PHF14: variants seen among roughly 807,000 people sequenced by gnomAD.
PHF14 encodes the protein PHD finger protein 14.
PHF14 carries 55 observed loss-of-function variants against 117.9 expected under a neutral mutation model. The observed-to-expected ratio is 0.47, with a 90% confidence interval of 0.38 to 0.58. The LOEUF (loss-of-function observed/expected upper bound fraction) is 0.58, where lower values mean the gene tolerates loss of function less well. Among genes scored for constraint, PHF14 ranks in the 20% least tolerant of loss-of-function variants. The pLI is 0.00. For synonymous variants in PHF14, 409 were observed against 368.6 expected (o/e 1.11, Z -1.26); for missense variants, 978 against 1,122.2 (o/e 0.87, Z 1.84).
chr7:11,004,899 C>G (rs1783025719), intron 4 of PHF14, among the ~76,000 whole-genome samples: 1 of 151,836 alleles, frequency 6.6e-6, no homozygotes, highest in Admixed American at 6.6e-5. Flanking sequence ...AGCCTGTAAT[C>G]CCAGCTGGTT....
At chr7:11,004,267 AAAG>A (rs1782995101) in intron 4 of PHF14, among the ~76,000 whole-genome samples, 2 of 149,210 alleles carry the variant, frequency 1.3e-5, no homozygotes, top group South Asian at 2.1e-4. Flanking sequence ...AAAAAAAAAA[AAAG>A]AAAAGAAAAA....
intron 16 of PHF14, among the ~76,000 whole-genome samples, chr7:11,078,832 G>C (rs972551949): frequency 8.5e-5 from 13 of 152,054 alleles, no homozygotes; most frequent in African/African-American, 3.1e-4. Context: ...AGTAGAAAAT[G>C]TTTTAATCTG....
intron 17 of PHF14, among the ~76,000 whole-genome samples, chr7:11,151,579 C>G (rs562170845): frequency 3.7e-4 from 56 of 152,066 alleles, no homozygotes; most frequent in Middle Eastern, 6.8e-3. Context: ...TTTATAACTT[C>G]ATTTTTGTTG....
chr7:11,139,718 A>T (rs1423455248), intron 17 of PHF14, among the ~76,000 whole-genome samples: 1 of 152,192 alleles, frequency 6.6e-6, no homozygotes, highest in Non-Finnish European at 1.5e-5. Context: ...GAAATATGTG[A>T]AAAATAAATT....
intron 17 of PHF14, among the ~76,000 whole-genome samples, chr7:11,153,036 C>T (rs942017963): frequency 1.3e-5 from 2 of 152,170 alleles, no homozygotes; most frequent in South Asian, 2.1e-4. Flanking sequence ...TTGGATTTTA[C>T]CCTAAATACA....
intron 5 of PHF14, chr7:11,015,336 T>A (rs1783497865): frequency 6.6e-6 from 1 of 152,174 alleles, no homozygotes; most frequent in African/African-American, 2.4e-5. Flanking sequence ...TCTTGGAGAA[T>A]CCCATGTGTT....
At chr7:11,060,444 A>G (rs1785183116) in intron 14 of PHF14, among the ~76,000 whole-genome samples, 1 of 152,218 alleles carries the variant, frequency 6.6e-6, no homozygotes, top group African/African-American at 2.4e-5. Flanking sequence ...ACTAGCCATA[A>G]GTTTTCAGTT....
At chr7:11,087,197 C>CTTT (rs34960792) in intron 16 of PHF14, among the ~76,000 whole-genome samples, 1 of 149,392 alleles carries the variant, frequency 6.7e-6, no homozygotes. Flanking sequence ...GCCCTTCTTT[C>CTTT]TTTTTTTTTG....
At chr7:11,120,771 G>A (rs1031372460) in intron 17 of PHF14, among the ~76,000 whole-genome samples, 2 of 151,970 alleles carry the variant, frequency 1.3e-5, no homozygotes, top group African/African-American at 4.8e-5. Flanking sequence ...TATTTTATAA[G>A]TAGAGAGAAT....
rs942454352 is a variant in PHF14 at position 11,038,825 on chromosome 7, A to G, written c.2046A>G (p.Ile682Met). The G allele has an allele frequency of 6.3e-7, 1 of 1,586,904 alleles. No individual in the cohort carries two copies. The highest frequency in any genetic ancestry group is 8.6e-7 in the Non-Finnish European group (1 of 1,162,992). ...AACTTCGAAGTGAAGGACAAGGAAT[A>G]TGGGCTTTACTAGGCAGAATCACAG... ...NGKLRSEGQG[I>M]WALLGRITGQ... The change falls in exon 11 of 18, where the codon ATA (isoleucine) becomes ATG (methionine). Residue 682 changes from isoleucine (I) to methionine (M), a missense_variant. Physicochemically the swap from Ile to Met is conservative, Grantham distance 10 (BLOSUM62 1). Around this residue, in one of 7 missense-constraint regions of PHF14, gnomAD observed 237 missense variants for 276.4 expected, o/e 0.86. Coordinates refer to ENST00000634607, the MANE Select transcript of PHF14 (RefSeq NM_001007157.2).
At chr7:11,103,203 C>A in intron 16 of PHF14, 1 of 962,372 alleles carries the variant, frequency 1.0e-6, no homozygotes, top group Non-Finnish European at 1.2e-6. Flanking sequence ...ATATTATTAG[C>A]ATGAAATTTT....
Position 11,034,894 on chromosome 7 carries a change from A to G in PHF14, c.1456-746A>G, listed in dbSNP as rs572316349. On this transcript the variant is annotated intron_variant, in intron 7 of 17. Transcript: ENST00000634607. The stretch of plus-strand genomic sequence containing the variant: ...CAGTAGAATCTGTCCATTGTTAGCC[A>G]GTTAGAAATGCCACACTTATCTTGT... 2.0e-5 allele frequency among the ~76,000 whole-genome samples: 3 copies of G among 152,244 alleles called. No individual in the cohort carries two copies. In the South Asian group the frequency reaches 6.2e-4, roughly 32 times the overall value.
At chr7:11,046,742 G>A (rs1784677734) in intron 13 of PHF14, among the ~76,000 whole-genome samples, 1 of 152,106 alleles carries the variant, frequency 6.6e-6, no homozygotes, top group Admixed American at 6.6e-5. Flanking sequence ...AGAAGTAGGA[G>A]GGACTGAGGT....
intron 17 of PHF14, among the ~76,000 whole-genome samples, chr7:11,122,637 G>C (rs1787810705): frequency 6.6e-6 from 1 of 151,372 alleles, no homozygotes; most frequent in Admixed American, 6.6e-5. Flanking sequence ...TTCCCTTCAT[G>C]TTACTTTAAA....
intron 17 of PHF14, among the ~76,000 whole-genome samples, chr7:11,156,283 A>G (rs1788848044): frequency 6.6e-6 from 1 of 152,246 alleles, no homozygotes; most frequent in East Asian, 1.9e-4. Context: ...GAAATTTTCT[A>G]AAATAGTATT....
chr7:11,042,055 ATAG>A (rs1182099250), intron 12 of PHF14, among the ~76,000 whole-genome samples: 19 of 151,970 alleles, frequency 1.3e-4, no homozygotes, highest in African/African-American at 3.9e-4. Context: ...TCCTAAAATA[ATAG>A]TAGCAATCAC....
chr7:11,022,346 T>C (rs1029894238), intron 5 of PHF14, among the ~76,000 whole-genome samples: 2 of 152,166 alleles, frequency 1.3e-5, no homozygotes, highest in African/African-American at 4.8e-5. Context: ...GTTAAAACTG[T>C]ATACAAAAAT....
chr7:11,019,793 T>C (rs1783669480), intron 5 of PHF14, among the ~76,000 whole-genome samples: 1 of 152,190 alleles, frequency 6.6e-6, no homozygotes, highest in Admixed American at 6.5e-5. Flanking sequence ...TGCTCTTGCT[T>C]TCCTAGTTCT....
intron 16 of PHF14, chr7:11,106,834 G>C (rs1019963804): frequency 3.0e-6 from 3 of 984,038 alleles, no homozygotes; most frequent in Admixed American, 1.2e-4. Flanking sequence ...TTTTTAAGTG[G>C]ACAGACATAA....
Sources: allele counts gnomAD v4.1 joint callset (sites outside exome capture counted in the v4.1 genomes callset), GRCh38; gene constraint gnomAD v4.1.1; regional missense constraint gnomAD v4.1.1; transcripts MANE v1.5; gene names NCBI Gene and HGNC (gene_info 2026-07-23, HGNC 2026-07-21).